Variants in ATP12A observed in about 807,000 individuals in gnomAD.
ATP12A encodes the protein potassium-transporting ATPase alpha chain 2.
A neutral mutation model predicts 111.2 loss-of-function variants in ATP12A; 81 were observed. That is an observed-to-expected ratio of 0.73 (90% CI 0.61 to 0.88). ATP12A has a LOEUF of 0.88. ATP12A is among the 40% of genes least tolerant of loss of function. The pLI is 0.00. For missense variants in ATP12A, 1,196 were observed against 1,313.1 expected, an observed-to-expected ratio of 0.91 and a Z score of 1.38; for synonymous variants, 498 against 499.8, an observed-to-expected ratio of 1.00 and a Z score of 0.05.
At chr13:24,694,384 C>T (rs1428669169) in intron 10 of ATP12A, 60 bp from the exon 11 acceptor site, 2 of 1,602,138 alleles carry the variant, frequency 1.2e-6, no homozygotes, top group Non-Finnish European at 1.7e-6. Flanking sequence ...GGGTCCTATG[C>T]TGAGGGCATG....
intron 3 of ATP12A, among the ~76,000 whole-genome samples, chr13:24,686,304 G>A (rs1329411148): frequency 2.0e-5 from 3 of 152,238 alleles, no homozygotes; most frequent in African/African-American, 4.8e-5. Flanking sequence ...GCAGGGCGTG[G>A]TGGCACATGC....
Position 24,693,701 on chromosome 13 carries a change from T to C in ATP12A, c.1378-743T>C, listed in dbSNP as rs370042414. On this transcript the variant is annotated intron_variant, in intron 10 of 22. Transcript: ENST00000381946. ...CAGTGCCTTGCCGCAATTTTCTAAT[T>C]GTCTATGATATAACCATTCTATTTG... is the stretch of plus-strand genomic sequence containing the variant. Among the ~76,000 whole-genome samples the C allele has an allele frequency of 3.3e-5, 5 of 152,240 alleles. No homozygotes were observed. In the South Asian group the frequency reaches 6.2e-4, roughly 19 times the overall value.
intron 10 of ATP12A, 65 bp downstream of exon 10, chr13:24,692,961 T>C: frequency 2.1e-6 from 3 of 1,433,220 alleles, no homozygotes; most frequent in East Asian, 2.3e-5. Context: ...TGAGGTCTGA[T>C]TGGGTGCTTG....
intron 2 of ATP12A, among the ~76,000 whole-genome samples, chr13:24,684,110 G>C (rs963207254): frequency 1.7e-5 from 2 of 115,206 alleles, no homozygotes; most frequent in Non-Finnish European, 3.6e-5. Context: ...CAGGAAGTCT[G>C]AGGTCCCATG....
chr13:24,704,799 A>G (rs1326398010), intron 14 of ATP12A: 1 of 166,874 alleles, frequency 6.0e-6, no homozygotes, highest in Non-Finnish European at 1.3e-5. Flanking sequence ...CCTCTTGGTC[A>G]CTGCCACTCT....
At chr13:24,701,762 C>T (rs1393911603) in intron 13 of ATP12A, among the ~76,000 whole-genome samples, 173 bp from the exon 14 acceptor site, 1 of 152,160 alleles carries the variant, frequency 6.6e-6, no homozygotes, top group African/African-American at 2.4e-5. Context: ...AGGGTAGACC[C>T]AATGGGATTA....
chr13:24,685,432 C>G lies in ATP12A; in HGVS notation c.228+59C>G. ...GCCTCCCAACTCTACAGAGGGAAGG[C>G]TGTGTGTGGCGGGGGGCTGTGTGGA... On this transcript the variant is annotated intron_variant, in intron 3 of 22. Coordinates refer to ENST00000381946, the MANE Select transcript of ATP12A (RefSeq NM_001676.7). The surrounding 1 kb of genome is among the most constrained non-coding windows in gnomAD (Gnocchi z 5.5). 6.4e-7 allele frequency: 1 copy of G among 1,566,470 alleles called. No homozygotes were observed. Among genetic ancestry groups the G allele is most frequent in the Middle Eastern group, 1.7e-4 (1 of 5,966 alleles).
At chr13:24,701,535 AAAAGAAAAAAAG>A (rs941248294) in intron 13 of ATP12A, among the ~76,000 whole-genome samples, 5 of 151,810 alleles carry the variant, frequency 3.3e-5, no homozygotes, top group African/African-American at 7.3e-5. Context: ...GAAAGAAAAG[AAAAGAAAAAAAG>A]AAAGAAAAAA....
At position 24,691,078 on chromosome 13, in the gene ATP12A, T is replaced by C. The variant is rs748013157; in HGVS notation, c.896T>C (p.Ile299Thr). 1 of 1,614,240 alleles carries C rather than the reference T, an allele frequency of 6.2e-7. No homozygotes were observed. Among genetic ancestry groups the C allele is most frequent in the Non-Finnish European group, 8.5e-7 (1 of 1,180,032 alleles). The part of the protein sequence containing the change: ...ASGVGNEKTP[I>T]AIEIEHFVHI... ...GGAGTTGGAAATGAGAAGACGCCCA[T>C]TGCCATTGAGATCGAGCACTTTGTT... The change falls in exon 8 of 23, where the codon ATT becomes ACT. Residue 299 changes from isoleucine (I) to threonine (T), a missense_variant. This residue lies in a region of ATP12A where 1,126 missense variants were observed against 1,228.5 expected (regional missense o/e 0.92). Transcript: ENST00000381946.
chr13:24,693,767 C>T (rs1328010000), intron 10 of ATP12A, among the ~76,000 whole-genome samples: 1 of 152,218 alleles, frequency 6.6e-6, no homozygotes, highest in Non-Finnish European at 1.5e-5. Flanking sequence ...TTGACTTTAT[C>T]CTTTCCTTAT....
In ATP12A at chr13:24,685,055, G is replaced by C. The variant is rs907682472; in HGVS notation, c.169-259G>C. 3.0e-4 allele frequency among the ~76,000 whole-genome samples: 46 copies of C among 152,204 alleles called. 1 individual carries two copies. Among genetic ancestry groups the C allele is most frequent in the African/African-American group, 1.1e-3 (44 of 41,444 alleles). On this transcript the variant is annotated intron_variant, in intron 2 of 22. Transcript: ENST00000381946. This position sits in a 1 kb window ranked among gnomAD's most constrained non-coding sequence, Gnocchi z 5.5. ...GAAGCGAGGTGCATGGCTTTGTTCA[G>C]AAAAGCTGCAGGCAGCTTCTGGGTA... is the stretch of plus-strand genomic sequence containing the variant.
intron 17 of ATP12A, among the ~76,000 whole-genome samples, chr13:24,708,669 G>A (rs1160413117): frequency 6.6e-6 from 1 of 151,874 alleles, no homozygotes; most frequent in African/African-American, 2.4e-5. Flanking sequence ...CAGCTCAGGA[G>A]TTTGAGTCCA....
rs376105342 is a variant in ATP12A, at chr13:24,691,270, C to T, written c.1068+20C>T. 16 of 1,596,342 alleles carry T rather than the reference C, an allele frequency of 1.0e-5. No individual in the cohort carries two copies. Among genetic ancestry groups the T allele is most frequent in the African/African-American group, 1.3e-5 (1 of 74,716 alleles). ...GTCACTGTGAGTCCATGCTGTTAGA[C>T]AGCCTGCACCTGGCCCTGTGGACAC... On this transcript the variant is annotated intron_variant, in intron 8 of 22. Coordinates refer to ENST00000381946, the MANE Select transcript of ATP12A (RefSeq NM_001676.7).
intron 1 of ATP12A, 26 bp from the exon 2 acceptor site, chr13:24,681,536 A>G (rs937745462): frequency 3.7e-6 from 6 of 1,606,552 alleles, no homozygotes; most frequent in African/African-American, 1.3e-5. Flanking sequence ...TTTGGGGCCA[A>G]TATTGCACCT....
chr13:24,707,559 G>A, intron 17 of ATP12A, 126 bp downstream of exon 17: 3 of 1,275,900 alleles, frequency 2.4e-6, no homozygotes, highest in East Asian at 2.4e-5. Context: ...GATGGGGCCT[G>A]TAGCTCTGCA....
At position 24,710,571 on chromosome 13, in the gene ATP12A, A is replaced by G. The variant is rs1465613742; in HGVS notation, c.2875A>G (p.Ile959Val). ...LIIRKTRRNS[I>V]FQQGLFRNKV... Reference sequence around the variant, plus strand: ...CATCAGGAAAACCCGGAGGAATTCCATCTTCCAGCAGGGTCTCTTCAGGTA... The same window carrying G: ...CATCAGGAAAACCCGGAGGAATTCCGTCTTCCAGCAGGGTCTCTTCAGGTA... The change falls in exon 20 of 23, where the codon ATC becomes GTC. Residue 959 changes from isoleucine to valine, a missense_variant. Physicochemically the swap from Ile to Val is conservative, Grantham distance 29 (BLOSUM62 3). Around this residue, in one of 3 missense-constraint regions of ATP12A, gnomAD observed 1,126 missense variants for 1,228.5 expected, o/e 0.92. Transcript: ENST00000381946. The G allele has an allele frequency of 1.2e-6, 2 of 1,614,096 alleles. No homozygotes were observed. Among genetic ancestry groups the G allele is most frequent in the Non-Finnish European group, 8.5e-7 (1 of 1,180,058 alleles).
chr13:24,704,698 A>G, intron 14 of ATP12A: 1 of 230,226 alleles, frequency 4.3e-6, no homozygotes, highest in South Asian at 5.4e-5. Flanking sequence ...GAACGAGAGA[A>G]AGACATAATC....
Position 24,690,403 on chromosome 13 carries a change from C to T in ATP12A, c.612C>T (p.Asp204=), listed in dbSNP as rs770409175. The part of the protein sequence containing the change: ...TIPSEQLVVG[D]IVEVKGGDQI... ...CTTCAGAGCAGCTGGTGGTGGGGGA[C>T]ATTGTGGAGGTCAAAGGAGGAGACC... The change falls in exon 6 of 23, where the codon GAC becomes GAT. Residue 204 remains aspartate (D), a synonymous_variant. Transcript: ENST00000381946. 6.8e-6 allele frequency: 11 copies of T among 1,613,020 alleles called. No homozygotes were observed. The highest frequency in any genetic ancestry group is 6.8e-6 in the Non-Finnish European group (8 of 1,179,880).
chr13:24,687,985 T>C (rs1258138701), intron 3 of ATP12A, among the ~76,000 whole-genome samples: 1 of 152,198 alleles, frequency 6.6e-6, no homozygotes, highest in Non-Finnish European at 1.5e-5. Context: ...GCCAGGTCCC[T>C]TCGACAGGTT....
Sources: gnomAD v4.1 joint callset for allele counts (sites outside exome capture counted in the v4.1 genomes callset) on GRCh38, gnomAD v4.1.1 for gene constraint, gnomAD v4.1.1 regional missense constraint, Gnocchi (gnomAD v3.1) non-coding constraint, MANE v1.5 for transcripts, NCBI Gene and HGNC (gene_info 2026-07-23, HGNC 2026-07-21) for gene names.